FAM131B: variants seen among roughly 807,000 people sequenced by gnomAD.
The protein encoded by FAM131B is protein FAM131B.
Under a neutral mutation model 42.0 loss-of-function variants are expected in FAM131B, and 19 were observed. That is an observed-to-expected ratio of 0.45 (90% CI 0.32 to 0.66). The LOEUF (loss-of-function observed/expected upper bound fraction) is 0.66. FAM131B is among the 30% of genes least tolerant of loss of function. The pLI, the probability that FAM131B is intolerant of heterozygous loss-of-function variation, is 0.05. For missense variants in FAM131B, 370 were observed against 468.4 expected (o/e 0.79, Z 1.94); for synonymous variants, 183 against 177.6 (o/e 1.03, Z -0.24).
the FAM131B span, chr7:143,381,430 G>C: frequency 1.6e-4 from 198 of 1,266,968 alleles, no homozygotes; most frequent in Non-Finnish European, 1.8e-4. Context: ...GGGAGCGGCA[G>C]GGCGGCCCCA....
At position 143,360,489 on chromosome 7, in the gene FAM131B, C is replaced by T. The variant is rs995979282; in HGVS notation, c.29-340G>A. ...TGGGAGCTGGGCTTTTTCTCTATTA[C>T]AAGTCTACAGATAAGGGCAGAGCTG... On this transcript the variant is annotated intron_variant, in intron 1 of 6. Transcript: ENST00000443739. The T allele has an allele frequency of 8.9e-5, 86 of 968,596 alleles. No homozygotes were observed. In the African/African-American group the frequency reaches 1.4e-3, roughly 16 times the overall value. The allele number at this position is 968,596 out of a possible 1,614,324, so 60.0% of individuals were successfully genotyped here.
intron 1 of FAM131B, chr7:143,360,546 T>A (rs1011779120): frequency 1.8e-5 from 6 of 341,770 alleles, no homozygotes; most frequent in East Asian, 2.7e-4. Flanking sequence ...ATGCTTAGGG[T>A]GGAAGGGATG....
At chr7:143,371,988 T>C in the FAM131B span, among the ~76,000 whole-genome samples, 1 of 152,110 alleles carries the variant, frequency 6.6e-6, no homozygotes, top group Non-Finnish European at 1.5e-5. Flanking sequence ...TGTTTAATTT[T>C]CTCCTTGCAA....
chr7:143,373,865 C>A, the FAM131B span, among the ~76,000 whole-genome samples: 1 of 152,200 alleles, frequency 6.6e-6, no homozygotes, highest in South Asian at 2.1e-4. Context: ...CACTCCTGCG[C>A]TCACAGTGTA....
At chr7:143,379,409 G>T in the FAM131B span, among the ~76,000 whole-genome samples, 1 of 152,188 alleles carries the variant, frequency 6.6e-6, no homozygotes, top group Non-Finnish European at 1.5e-5. Context: ...GGCCACACAT[G>T]CCTGTGGCTG....
In FAM131B at chr7:143,356,838, A is replaced by C; in HGVS notation, c.795T>G (p.Pro265=). Residue 265 remains proline (P), a synonymous_variant, in exon 7 of 7, where the codon CCT becomes CCG. Transcript: ENST00000443739. This position sits in a 1 kb window ranked among gnomAD's most constrained non-coding sequence, Gnocchi z 4.4. ...DSQPSLHEMG[P]SQPASGYSAL... ...CAGAGTATCCTGAAGCTGGTTGGGA[A>C]GGTCCCATTTCATGCAAGCTGGGTT... 1 of 1,614,154 alleles carries C rather than the reference A, an allele frequency of 6.2e-7. No homozygotes were observed. The highest frequency in any genetic ancestry group is 8.5e-7 in the Non-Finnish European group (1 of 1,180,028).
At chr7:143,374,305 C>T in the FAM131B span, among the ~76,000 whole-genome samples, 6 of 152,304 alleles carry the variant, frequency 3.9e-5, no homozygotes, top group African/African-American at 1.2e-4. Context: ...TAGGTACCAA[C>T]CAGAAGCTGG....
chr7:143,381,819 C>T, the FAM131B span: 2 of 1,488,374 alleles, frequency 1.3e-6, no homozygotes, highest in Non-Finnish European at 1.8e-6. Context: ...CGGCAGGAGC[C>T]GGGGTGGGGG....
chr7:143,381,126 C>G, the FAM131B span: 41 of 886,158 alleles, frequency 4.6e-5, no homozygotes, highest in Admixed American at 2.5e-3. Context: ...GGGGTGGGGG[C>G]GAGCGGACCT....
At chr7:143,380,894 G>A in the FAM131B span, 2 of 636,154 alleles carry the variant, frequency 3.1e-6, no homozygotes, top group Non-Finnish European at 2.0e-6. This position sits in a 1 kb window ranked among gnomAD's most constrained non-coding sequence, Gnocchi z 5.0. Flanking sequence ...GGCCCGAGAG[G>A]AGGTCGCTGG....
In FAM131B at chr7:143,362,439, G is replaced by A. The variant is rs1271399729; in HGVS notation, c.28+137C>T. ...GGGACAGAGGGACCGCGGGCGGACG[G>A]AAGGAAAGTGAAGGAGCTAGCAGGG... On this transcript the variant is annotated intron_variant, in intron 1 of 6. Transcript: ENST00000443739. The surrounding 1 kb of genome is among the most constrained non-coding windows in gnomAD (Gnocchi z 7.7). 2 of 355,968 alleles carry A rather than the reference G, an allele frequency of 5.6e-6. No homozygotes were observed. Among genetic ancestry groups the A allele is most frequent in the Non-Finnish European group, 1.0e-5 (2 of 200,722 alleles). 22.1% of individuals were successfully genotyped at this position (355,968 alleles called of 1,614,324 possible). A position where few individuals can be genotyped will look rare whatever the true frequency, so the allele number is the denominator to read the frequency against.
chr7:143,367,853 A>G, the FAM131B span, among the ~76,000 whole-genome samples: 1 of 152,242 alleles, frequency 6.6e-6, no homozygotes, highest in Non-Finnish European at 1.5e-5. Flanking sequence ...TGTAGGATTC[A>G]GCAGAAGAGA....
At chr7:143,381,532 T>C in the FAM131B span, 9 of 1,590,210 alleles carry the variant, frequency 5.7e-6, no homozygotes, top group Non-Finnish European at 6.8e-6. Flanking sequence ...GGCTCCGCGC[T>C]GCGTAACCCG....
the FAM131B span, chr7:143,379,642 A>C: frequency 6.6e-6 from 1 of 152,264 alleles, no homozygotes; most frequent in African/African-American, 2.4e-5. Context: ...CAGAATTTTC[A>C]TTCTGGGCAG....
chr7:143,360,651 G>A lies in FAM131B; in HGVS notation c.29-502C>T, dbSNP rs79195461. 868 of 157,634 alleles carry A rather than the reference G, an allele frequency of 5.5e-3. 5 individuals are homozygous for A. The highest frequency in any genetic ancestry group is 8.8e-3 in the Non-Finnish European group (630 of 71,470). The allele number at this position is 157,634 out of a possible 1,614,324, so 9.8% of individuals were successfully genotyped here. On this transcript the variant is annotated intron_variant, in intron 1 of 6. Transcript: ENST00000443739. ...CGAGGCAGGAGTTGGATAGCAAGGA[G>A]TTGGGTGTGTCCTCCCAAAAACAGT...
the FAM131B span, among the ~76,000 whole-genome samples, chr7:143,377,684 G>C: frequency 6.6e-6 from 1 of 152,042 alleles, no homozygotes; most frequent in Non-Finnish European, 1.5e-5. Context: ...TGATTAGAAG[G>C]GGCGAATATA....
rs1586534999 is a variant in FAM131B at position 143,358,736 on chromosome 7, T to G, written c.466+91A>C. 1.1e-6 allele frequency: 1 copy of G among 950,510 alleles called. No individual in the cohort carries two copies. The highest frequency in any genetic ancestry group is 2.6e-5 in the East Asian group (1 of 38,942). 58.9% of individuals were successfully genotyped at this position (950,510 alleles called of 1,614,324 possible). A position where few individuals can be genotyped will look rare whatever the true frequency, so the allele number is the denominator to read the frequency against. On this transcript the variant is annotated intron_variant, in intron 5 of 6. Transcript: ENST00000443739. The surrounding 1 kb of genome is among the most constrained non-coding windows in gnomAD (Gnocchi z 4.7). ...TGTGAATCTACGGTCAAAGTATGGA[T>G]GGAGCTAATCCTGCCACAGGGGATC...
chr7:143,369,629 C>T, the FAM131B span, among the ~76,000 whole-genome samples: 14 of 148,972 alleles, frequency 9.4e-5, no homozygotes, highest in East Asian at 1.2e-3. Context: ...GAGCTGAGAT[C>T]GCACCACTGC....
rs911020100 is a variant in FAM131B at position 143,359,190 on chromosome 7, G to A, written c.268+136C>T. On this transcript the variant is annotated intron_variant, in intron 4 of 6. Transcript: ENST00000443739. This position sits in a 1 kb window ranked among gnomAD's most constrained non-coding sequence, Gnocchi z 5.4. ...GTGGAGGGAATGGCCTGGAGGATGG[G>A]AGGCTTGACAGAAGGGTGAATAGGT... The A allele has an allele frequency of 9.8e-6, 10 of 1,016,544 alleles. No individual in the cohort carries two copies. The African/African-American group carries it at 1.6e-4, about 16-fold the overall frequency. The allele number at this position is 1,016,544 out of a possible 1,614,324, so 63.0% of individuals were successfully genotyped here.
Sources: gnomAD v4.1 joint callset for allele counts (sites outside exome capture counted in the v4.1 genomes callset) on GRCh38, gnomAD v4.1.1 for gene constraint, Gnocchi (gnomAD v3.1) non-coding constraint, MANE v1.5 for transcripts, NCBI Gene and HGNC (gene_info 2026-07-23, HGNC 2026-07-21) for gene names.